The following CHST9 variants were observed in gnomAD, a reference collection of about 807,000 sequenced individuals.
CHST9 encodes the protein carbohydrate sulfotransferase 9, also known as GalNAc-4-sulfotransferase 2.
CHST9 carries 41 observed loss-of-function variants against 44.4 expected under a neutral mutation model. That is an observed-to-expected ratio of 0.92 (90% confidence interval 0.72 to 1.20). The LOEUF (loss-of-function observed/expected upper bound fraction) is 1.20, where lower values mean the gene tolerates loss of function less well. Among genes scored for constraint, CHST9 ranks in the 50% most tolerant of loss-of-function variants. The pLI is 0.00. For missense variants in CHST9, 504 were observed against 516.5 expected, an observed-to-expected ratio of 0.98 and a Z score of 0.23; for synonymous variants, 171 against 178.4, an observed-to-expected ratio of 0.96 and a Z score of 0.33.
intron 5 of CHST9, among the ~76,000 whole-genome samples, chr18:26,922,629 TTTTA>T (rs140641649): frequency 6.6e-6 from 1 of 150,572 alleles, no homozygotes; most frequent in Non-Finnish European, 1.5e-5. Flanking sequence ...TTCTTGTTAT[TTTTA>T]TTTATTTATT....
At chr18:27,139,800 T>A (rs574410039) in intron 2 of CHST9, among the ~76,000 whole-genome samples, 1 of 152,144 alleles carries the variant, frequency 6.6e-6, no homozygotes, top group African/African-American at 2.4e-5. Flanking sequence ...GTTTTACCAG[T>A]CTTAACCAAG....
intron 2 of CHST9, among the ~76,000 whole-genome samples, chr18:27,097,996 T>C (rs2058134325): frequency 6.6e-6 from 1 of 151,934 alleles, no homozygotes; most frequent in Admixed American, 6.6e-5. Context: ...CCTTGTAGTA[T>C]AGTTTGAAGT....
intron 2 of CHST9, among the ~76,000 whole-genome samples, chr18:27,114,262 G>C (rs1351526829): frequency 1.3e-5 from 2 of 152,186 alleles, no homozygotes; most frequent in Non-Finnish European, 2.9e-5. Context: ...TAACATCTAA[G>C]TATATAGTCT....
At chr18:27,023,554 T>C (rs1368692378) in intron 4 of CHST9, among the ~76,000 whole-genome samples, 1 of 152,244 alleles carries the variant, frequency 6.6e-6, no homozygotes, top group Non-Finnish European at 1.5e-5. Flanking sequence ...TAAAGACCAC[T>C]GTATGCCAAA....
At chr18:27,140,295 T>C (rs2058554316) in intron 2 of CHST9, among the ~76,000 whole-genome samples, 1 of 152,178 alleles carries the variant, frequency 6.6e-6, no homozygotes, top group African/African-American at 2.4e-5. Context: ...TCTGTAAATT[T>C]AGAATAATAC....
At chr18:27,047,578 T>C (rs1228664767) in intron 3 of CHST9, among the ~76,000 whole-genome samples, 1 of 152,130 alleles carries the variant, frequency 6.6e-6, no homozygotes, top group East Asian at 1.9e-4. Flanking sequence ...ACTTTTAGAT[T>C]AAGATGGATC....
intron 4 of CHST9, among the ~76,000 whole-genome samples, chr18:27,021,901 T>C (rs2057231029): frequency 6.6e-6 from 1 of 152,152 alleles, no homozygotes; most frequent in Admixed American, 6.5e-5. Flanking sequence ...CACACTACAA[T>C]CTTGAACTCT....
intron 1 of CHST9, among the ~76,000 whole-genome samples, chr18:27,153,929 G>A (rs1011390686): frequency 2.6e-5 from 4 of 152,136 alleles, no homozygotes; most frequent in African/African-American, 9.7e-5. Flanking sequence ...AGTTCCTGCT[G>A]TTGCTGGCAG....
intron 1 of CHST9, among the ~76,000 whole-genome samples, chr18:27,174,601 C>A (rs1462854359): frequency 6.6e-6 from 1 of 151,934 alleles, no homozygotes; most frequent in African/African-American, 2.4e-5. Flanking sequence ...TCCCCATCAA[C>A]CATTCACCCA....
At chr18:27,183,704 G>A (rs756650372) in intron 1 of CHST9, among the ~76,000 whole-genome samples, 6 of 152,110 alleles carry the variant, frequency 3.9e-5, no homozygotes, top group Non-Finnish European at 7.4e-5. Flanking sequence ...CTGTTTGATC[G>A]TATGGTGTAG....
chr18:27,022,216 C>T (rs1395720382), intron 4 of CHST9, among the ~76,000 whole-genome samples: 1 of 152,082 alleles, frequency 6.6e-6, no homozygotes, highest in Admixed American at 6.6e-5. Context: ...GAACTTGTGT[C>T]CTCGTATTCT....
chr18:26,932,809 A>G (rs970169314), intron 5 of CHST9, among the ~76,000 whole-genome samples: 10 of 152,306 alleles, frequency 6.6e-5, no homozygotes, highest in South Asian at 4.2e-4. Flanking sequence ...CTTTTTTAGC[A>G]AAGTCAAGTT....
chr18:26,956,279 T>C (rs1387386293), intron 4 of CHST9, among the ~76,000 whole-genome samples: 1 of 141,258 alleles, frequency 7.1e-6, no homozygotes, highest in African/African-American at 2.7e-5. Flanking sequence ...GCCACTGAAC[T>C]CCAGCCTGGG....
rs1435934468 is a variant in CHST9, at chr18:26,916,369, G to A, written c.1222C>T (p.Gln408Ter). 8.1e-6 allele frequency: 13 copies of A among 1,613,588 alleles called. No individual in the cohort carries two copies. The highest frequency in any genetic ancestry group is 1.1e-5 in the Non-Finnish European group (13 of 1,179,698). The change falls in exon 6 of 6, where the codon CAA (glutamine) becomes TAA (stop). Residue 408 changes from glutamine (Q) to a stop codon, truncating the protein, a stop_gained. Transcript: ENST00000618847. LOFTEE classifies it high-confidence loss of function. ...RHSSDERTNA[Q>*]VVRQYLKDLT... is the part of the protein sequence containing the mutation. Reference sequence around the variant, plus strand: ...TCCTTTAAATACTGTCTCACGACTTGAGCATTGGTTCTTTCATCGGAAGAG... The same window carrying A: ...TCCTTTAAATACTGTCTCACGACTTAAGCATTGGTTCTTTCATCGGAAGAG...
At chr18:26,939,172 C>G (rs910298399) in intron 5 of CHST9, among the ~76,000 whole-genome samples, 2 of 151,988 alleles carry the variant, frequency 1.3e-5, no homozygotes, top group African/African-American at 4.8e-5. Context: ...AGCAAAAGGG[C>G]AGAGAAAATA....
chr18:26,921,998 CTAAT>C (rs2055664927), intron 5 of CHST9, among the ~76,000 whole-genome samples: 1 of 152,170 alleles, frequency 6.6e-6, no homozygotes, highest in South Asian at 2.1e-4. Context: ...CATTATCCTC[CTAAT>C]TAGTGTCCCT....
chr18:27,122,102 T>C (rs530222249), intron 2 of CHST9, among the ~76,000 whole-genome samples: 53 of 152,308 alleles, frequency 3.5e-4, no homozygotes, highest in African/African-American at 1.2e-3. Context: ...GGCAGGATCA[T>C]AACTGCTTTA....
chr18:26,929,520 C>T (rs964157014), intron 5 of CHST9, among the ~76,000 whole-genome samples: 1 of 152,140 alleles, frequency 6.6e-6, no homozygotes, highest in Non-Finnish European at 1.5e-5. Context: ...GCTGCTTTCC[C>T]AACTTCAGAT....
chr18:27,058,685 C>A (rs1273397664), intron 2 of CHST9, among the ~76,000 whole-genome samples: 1 of 152,128 alleles, frequency 6.6e-6, no homozygotes, highest in Non-Finnish European at 1.5e-5. Flanking sequence ...GGTGTTCCAG[C>A]CATCCCAACC....
Sources: gnomAD v4.1 joint callset for allele counts (sites outside exome capture counted in the v4.1 genomes callset) on GRCh38, gnomAD v4.1.1 for gene constraint, MANE v1.5 for transcripts, NCBI Gene and HGNC (gene_info 2026-07-23, HGNC 2026-07-21) for gene names.